The following BLK variants were observed in gnomAD, a reference collection of about 807,000 sequenced individuals.
BLK encodes the protein tyrosine-protein kinase Blk.
Under a neutral mutation model 61.8 loss-of-function variants are expected in BLK, and 64 were observed. The observed-to-expected ratio is 1.03, with a 90% CI of 0.85 to 1.27. The LOEUF (loss-of-function observed/expected upper bound fraction) is 1.27, where lower values mean the gene tolerates loss of function less well. Among genes scored for constraint, BLK ranks in the 50% most tolerant of loss-of-function variants. BLK has a pLI of 0.00. For missense variants in BLK, 853 were observed against 660.5 expected (o/e 1.29, Z -3.19); for synonymous variants, 351 against 272.0 (o/e 1.29, Z -2.86).
chr8:11,562,878 G>C, intron 11 of BLK, 101 bp from the exon 12 acceptor site: 1 of 1,556,892 alleles, frequency 6.4e-7, no homozygotes. Flanking sequence ...CCCCGCAGTG[G>C]GGGCTTGATG....
intron 2 of BLK, 101 bp from the exon 3 acceptor site, chr8:11,545,951 C>A: frequency 8.1e-7 from 1 of 1,241,458 alleles, no homozygotes; most frequent in South Asian, 1.2e-5. Flanking sequence ...TTCAGTAGGT[C>A]CCTGGAGATA....
chr8:11,564,456 C>A lies in BLK; in HGVS notation c.*348C>A. 1.8e-6 allele frequency: 1 copy of A among 553,140 alleles called. No individual in the cohort carries two copies. The highest frequency in any genetic ancestry group is 3.5e-6 in the Non-Finnish European group (1 of 289,384). The allele number at this position is 553,140 out of a possible 1,614,324, so 34.3% of individuals were successfully genotyped here. The stretch of plus-strand genomic sequence containing the variant: ...GGGCACCCCCCGTGCTGGCCGCGTC[C>A]CCGCCTCTGCGCCCTGCGTGGACCC... On this transcript the variant is annotated 3_prime_UTR_variant, in exon 13 of 13. Transcript: ENST00000259089.
At chr8:11,516,688 T>C (rs1799242670) in intron 1 of BLK, among the ~76,000 whole-genome samples, 1 of 152,234 alleles carries the variant, frequency 6.6e-6, no homozygotes, top group African/African-American at 2.4e-5. Context: ...ACAGTGTTTG[T>C]CCTTTTGTGT....
intron 1 of BLK, among the ~76,000 whole-genome samples, chr8:11,495,288 A>G (rs1798322584): frequency 1.3e-5 from 2 of 150,754 alleles, no homozygotes; most frequent in African/African-American, 2.4e-5. Context: ...CACATTACCA[A>G]GGAACTAAGG....
rs764346696 is a variant in BLK, at chr8:11,546,122, GA to G, written c.175+21del. 1.9e-5 allele frequency: 31 copies of G among 1,613,992 alleles called. No individual in the cohort carries two copies. Among genetic ancestry groups the G allele is most frequent in the Non-Finnish European group, 2.5e-5 (30 of 1,179,970 alleles). On this transcript the variant is annotated intron_variant, in intron 3 of 12. Coordinates refer to ENST00000259089, the MANE Select transcript of BLK (RefSeq NM_001715.3). The stretch of plus-strand genomic sequence containing the variant: ...GATGAAGGTAAGAAGGGTGGTTTGG[GA>G]AGCTGAGGCTCCACAGCCCTCTCCC...
intron 1 of BLK, among the ~76,000 whole-genome samples, chr8:11,498,728 C>G (rs1249659443): frequency 1.3e-5 from 2 of 152,222 alleles, no homozygotes. Context: ...TACGAGCAGC[C>G]TTACCTGTCT....
intron 1 of BLK, among the ~76,000 whole-genome samples, chr8:11,526,751 A>C (rs761542163): frequency 1.3e-5 from 2 of 152,210 alleles, no homozygotes; most frequent in Non-Finnish European, 2.9e-5. Flanking sequence ...TGTTGTGTTC[A>C]GTGCTTATAT....
intron 1 of BLK, among the ~76,000 whole-genome samples, chr8:11,495,042 T>C (rs553374634): frequency 6.6e-6 from 1 of 152,366 alleles, no homozygotes; most frequent in East Asian, 1.9e-4. Context: ...TTTCGTTTTA[T>C]TTGTTTGTTT....
At chr8:11,505,549 C>T (rs886752221) in intron 1 of BLK, among the ~76,000 whole-genome samples, 1 of 152,162 alleles carries the variant, frequency 6.6e-6, no homozygotes, top group African/African-American at 2.4e-5. Flanking sequence ...CTCCCAAGCT[C>T]CATTGCTTTC....
chr8:11,558,884 T>G (rs901337309), intron 10 of BLK: 1 of 447,262 alleles, frequency 2.2e-6, no homozygotes. Flanking sequence ...ACATCAGCCC[T>G]CCCACCTCGC....
chr8:11,522,740 T>A, intron 1 of BLK, among the ~76,000 whole-genome samples: 1 of 146,644 alleles, frequency 6.8e-6, no homozygotes, highest in African/African-American at 2.4e-5. Flanking sequence ...CACATATTTC[T>A]GAAAAAAAAA....
chr8:11,556,137 A>C (rs1315588572), intron 8 of BLK: 1 of 225,334 alleles, frequency 4.4e-6, no homozygotes, highest in African/African-American at 2.3e-5. Flanking sequence ...TGTCCTCTAG[A>C]AAAGCAAGTA....
rs116745630 is a variant in BLK, at chr8:11,503,746, A to G, written c.-2+9155A>G. On this transcript the variant is annotated intron_variant, in intron 1 of 12. Coordinates refer to ENST00000259089, the MANE Select transcript of BLK (RefSeq NM_001715.3). ...TATGTGCAGGTGTGGAGGATGGAAG[A>G]GGTCACTCTGTCCTCTTTCTTGCCT... 9.5e-3 allele frequency among the ~76,000 whole-genome samples: 1,446 copies of G among 152,194 alleles called. 29 individuals are homozygous for G. The highest frequency in any genetic ancestry group is 0.033 in the African/African-American group (1,379 of 41,512).
In BLK at chr8:11,555,397, T is replaced by C. The variant is rs968453155; in HGVS notation, c.685T>C (p.Trp229Arg). 16 of 1,614,128 alleles carry C rather than the reference T, an allele frequency of 9.9e-6. No homozygotes were observed. The highest frequency in any genetic ancestry group is 1.7e-5 in the Admixed American group (1 of 60,030). ...PCVRPAPQNP[W>R]AQDEWEIPRQ... ...TGTGCGCCCGGCCCCGCAGAATCCC[T>C]GGGCCCAGGATGAATGGGAGATCCC... is the stretch of plus-strand genomic sequence containing the variant. Residue 229 changes from tryptophan (W) to arginine (R), a missense_variant, in exon 8 of 13, where the codon TGG becomes CGG. Physicochemically the swap from Trp to Arg is moderately radical, Grantham distance 101 (BLOSUM62 -3). Coordinates refer to ENST00000259089, the MANE Select transcript of BLK (RefSeq NM_001715.3).
chr8:11,561,349 C>T lies in BLK; in HGVS notation c.1077C>T (p.Arg359=), dbSNP rs772607284. 6 of 1,614,126 alleles carry T rather than the reference C, an allele frequency of 3.7e-6. No homozygotes were observed. The highest frequency in any genetic ancestry group is 2.2e-5 in the East Asian group (1 of 44,880). The change falls in exon 11 of 13, where the codon CGC becomes CGT. Residue 359 remains arginine, a synonymous_variant. Coordinates refer to ENST00000259089, the MANE Select transcript of BLK (RefSeq NM_001715.3). Reference sequence around the variant, plus strand: ...TTGAGCGCATGAATTCCATCCACCGCGACCTGCGGGCGGCCAACATCCTGG... The same window carrying T: ...TTGAGCGCATGAATTCCATCCACCGTGACCTGCGGGCGGCCAACATCCTGG... ...AYIERMNSIH[R]DLRAANILVS...
At chr8:11,550,309 G>A (rs371289373) in intron 6 of BLK, 47 bp downstream of exon 6, 1 of 1,582,406 alleles carries the variant, frequency 6.3e-7, no homozygotes, top group Non-Finnish European at 8.7e-7. Flanking sequence ...CTCCTCCCGG[G>A]AAGGCGCCTC....
chr8:11,509,963 T>C (rs536858047), intron 1 of BLK: 6 of 152,226 alleles, frequency 3.9e-5, no homozygotes, highest in Non-Finnish European at 7.3e-5. Flanking sequence ...ACTGCTACTT[T>C]TGATCACTTT....
chr8:11,512,830 C>A (rs778029894), intron 1 of BLK, among the ~76,000 whole-genome samples: 4 of 152,112 alleles, frequency 2.6e-5, no homozygotes, highest in Non-Finnish European at 2.9e-5. Context: ...CCATGCCCAG[C>A]TAATTATTGT....
At chr8:11,546,007 C>A in intron 2 of BLK, 45 bp from the exon 3 acceptor site, 1 of 1,602,220 alleles carries the variant, frequency 6.2e-7, no homozygotes, top group Non-Finnish European at 8.6e-7. Flanking sequence ...GCCCCACCCA[C>A]GCAGCAGGGA....
Sources: gnomAD v4.1 joint callset for allele counts (sites outside exome capture counted in the v4.1 genomes callset) on GRCh38, gnomAD v4.1.1 for gene constraint, MANE v1.5 for transcripts, NCBI Gene and HGNC (gene_info 2026-07-23, HGNC 2026-07-21) for gene names.